The following ROBO1 variants were observed in gnomAD, a reference collection of about 807,000 sequenced individuals.
The protein encoded by ROBO1 is roundabout homolog 1.
Under a neutral mutation model 195.9 loss-of-function variants are expected in ROBO1, and 149 were observed. The observed-to-expected ratio is 0.76, with a 90% CI of 0.67 to 0.87. ROBO1 has a LOEUF of 0.87. ROBO1 is among the 40% of genes least tolerant of loss of function. The pLI, the probability that ROBO1 is intolerant of heterozygous loss-of-function variation, is 0.00. For missense variants in ROBO1, 1,933 were observed against 2,068.3 expected, an observed-to-expected ratio of 0.93 and a Z score of 1.27; for synonymous variants, 816 against 733.2, an observed-to-expected ratio of 1.11 and a Z score of -1.82.
At chr3:79,581,265 GA>G (rs1208651088) in intron 2 of ROBO1, among the ~76,000 whole-genome samples, 6 of 152,014 alleles carry the variant, frequency 3.9e-5, no homozygotes, top group African/African-American at 1.4e-4. Flanking sequence ...AGCAATAGAG[GA>G]AAAAAATTAC....
intron 3 of ROBO1, among the ~76,000 whole-genome samples, chr3:78,973,698 C>T (rs1376703551): frequency 6.0e-5 from 9 of 150,722 alleles, no homozygotes; most frequent in African/African-American, 2.2e-4. Flanking sequence ...TAAATTCTGG[C>T]ATACTTTTCA....
intron 1 of ROBO1, among the ~76,000 whole-genome samples, chr3:79,755,428 AC>A (rs1306940572): frequency 6.6e-6 from 1 of 152,038 alleles, no homozygotes; most frequent in Non-Finnish European, 1.5e-5. Flanking sequence ...AAAAAACAAA[AC>A]AAAAAAACCC....
chr3:79,060,250 G>A (rs1186620058), intron 3 of ROBO1, among the ~76,000 whole-genome samples: 1 of 151,920 alleles, frequency 6.6e-6, no homozygotes, highest in East Asian at 1.9e-4. Flanking sequence ...GACAATGTGT[G>A]CCCAGCAGGA....
intron 4 of ROBO1, among the ~76,000 whole-genome samples, chr3:78,894,998 A>C (rs1170962954): frequency 6.6e-6 from 1 of 152,242 alleles, no homozygotes; most frequent in Non-Finnish European, 1.5e-5. Context: ...AATCACATTA[A>C]TCAATGTTCA....
chr3:79,172,159 T>G (rs1454425842), intron 2 of ROBO1, among the ~76,000 whole-genome samples: 1 of 152,120 alleles, frequency 6.6e-6, no homozygotes, highest in Non-Finnish European at 1.5e-5. Context: ...TCTAATCACT[T>G]TGATGAATAA....
intron 2 of ROBO1, among the ~76,000 whole-genome samples, chr3:79,186,650 T>G (rs186516701): frequency 6.6e-6 from 1 of 152,248 alleles, no homozygotes; most frequent in East Asian, 1.9e-4. Context: ...AAGTGAGGTA[T>G]GACCATGTGG....
intron 1 of ROBO1, among the ~76,000 whole-genome samples, chr3:79,751,595 C>T (rs1704133470): frequency 1.3e-5 from 2 of 152,096 alleles, no homozygotes; most frequent in Admixed American, 1.3e-4. Context: ...CTACTACCCA[C>T]TGTTAAATGT....
At chr3:78,818,257 CT>C (rs1021497854) in intron 4 of ROBO1, among the ~76,000 whole-genome samples, 25 of 152,182 alleles carry the variant, frequency 1.6e-4, no homozygotes, top group South Asian at 4.1e-4. Flanking sequence ...AGCATCTCAG[CT>C]GGCATTTAGG....
intron 2 of ROBO1, among the ~76,000 whole-genome samples, chr3:79,556,214 C>T (rs1374812506): frequency 6.6e-6 from 1 of 151,894 alleles, no homozygotes; most frequent in East Asian, 1.9e-4. Context: ...TCTAAGTTAT[C>T]ACTATTTGTA....
At chr3:79,372,823 CAT>C (rs1274934346) in intron 2 of ROBO1, among the ~76,000 whole-genome samples, 1 of 151,786 alleles carries the variant, frequency 6.6e-6, no homozygotes, top group South Asian at 2.1e-4. Flanking sequence ...ACATGTAAAA[CAT>C]AGTCTATAGA....
intron 2 of ROBO1, among the ~76,000 whole-genome samples, chr3:79,434,421 C>A (rs1421820597): frequency 3.3e-5 from 5 of 152,160 alleles, no homozygotes; most frequent in Non-Finnish European, 7.3e-5. Flanking sequence ...TGAACAGACA[C>A]TTCTCAAAAG....
chr3:79,069,642 A>G lies in ROBO1; in HGVS notation c.172+55814T>C, dbSNP rs575658936. ...GCTACTCTTTCCTTTTCCATTTGCA[A>G]AGAGAAGCAGTAAGTGGTTACAGAA... On this transcript the variant is annotated intron_variant, in intron 3 of 30. Coordinates refer to ENST00000464233, the MANE Select transcript of ROBO1 (RefSeq NM_002941.4). Among the ~76,000 whole-genome samples, 3 of 152,004 alleles carry G rather than the reference A, an allele frequency of 2.0e-5. No homozygotes were observed. The South Asian group carries it at 6.2e-4, about 32-fold the overall frequency.
chr3:78,762,450 T>A (rs2083129045), intron 4 of ROBO1, among the ~76,000 whole-genome samples: 1 of 152,002 alleles, frequency 6.6e-6, no homozygotes, highest in South Asian at 2.1e-4. Flanking sequence ...ATTTTATCTG[T>A]TTTTTGTTTG....
At chr3:79,458,083 A>G (rs1400400283) in intron 2 of ROBO1, among the ~76,000 whole-genome samples, 1 of 152,202 alleles carries the variant, frequency 6.6e-6, no homozygotes, top group East Asian at 1.9e-4. Context: ...GGGGCAAAAA[A>G]GAAAAGCATC....
At chr3:79,047,179 G>T (rs2078610365) in intron 3 of ROBO1, among the ~76,000 whole-genome samples, 1 of 152,024 alleles carries the variant, frequency 6.6e-6, no homozygotes, top group South Asian at 2.1e-4. Flanking sequence ...CTTTAGGAAG[G>T]GAAAATGTTT....
intron 2 of ROBO1, among the ~76,000 whole-genome samples, chr3:79,501,346 G>A (rs1187520201): frequency 2.6e-5 from 4 of 152,102 alleles, no homozygotes; most frequent in Admixed American, 6.5e-5. Flanking sequence ...ACCCGGCACC[G>A]TTCTAGTGAC....
intron 1 of ROBO1, among the ~76,000 whole-genome samples, chr3:79,596,984 T>C (rs1001121750): frequency 4.0e-5 from 6 of 151,834 alleles, no homozygotes; most frequent in South Asian, 4.1e-4. Context: ...GAAATAAACA[T>C]TAACTATATT....
At chr3:79,575,947 C>A (rs1380745265) in intron 2 of ROBO1, among the ~76,000 whole-genome samples, 2 of 151,924 alleles carry the variant, frequency 1.3e-5, no homozygotes, top group African/African-American at 4.8e-5. Flanking sequence ...TCTTACATAA[C>A]TCCAAGGCAA....
chr3:79,262,060 T>C (rs2082949214), intron 2 of ROBO1, among the ~76,000 whole-genome samples: 1 of 152,094 alleles, frequency 6.6e-6, no homozygotes, highest in South Asian at 2.1e-4. Flanking sequence ...AAACATGTGC[T>C]CTTGGTCAAC....
Sources: gnomAD v4.1 joint callset for allele counts (sites outside exome capture counted in the v4.1 genomes callset) on GRCh38, gnomAD v4.1.1 for gene constraint, MANE v1.5 for transcripts, NCBI Gene and HGNC (gene_info 2026-07-23, HGNC 2026-07-21) for gene names.